LZTS1: variants seen among roughly 807,000 people sequenced by gnomAD.
The protein encoded by LZTS1 is leucine zipper tumor suppressor 1.
Under a neutral mutation model 45.8 loss-of-function variants are expected in LZTS1, and 31 were observed. That is an observed-to-expected ratio of 0.68 (90% CI 0.51 to 0.91). The LOEUF (loss-of-function observed/expected upper bound fraction) is 0.91. Among genes scored for constraint, LZTS1 ranks in the 40% least tolerant of loss-of-function variants. The pLI, the probability that LZTS1 is intolerant of heterozygous loss-of-function variation, is 0.00. For synonymous variants in LZTS1, 359 were observed against 357.3 expected (o/e 1.00, Z -0.05); for missense variants, 821 against 788.9 (o/e 1.04, Z -0.49).
chr8:20,262,109 C>CA (rs1268461369), intron 1 of LZTS1, among the ~76,000 whole-genome samples: 9 of 152,206 alleles, frequency 5.9e-5, no homozygotes, highest in Admixed American at 5.9e-4. Flanking sequence ...CCATTCCCCC[C>CA]CAGAACTTTT....
chr8:20,266,174 C>A (rs1800350385), intron 1 of LZTS1, among the ~76,000 whole-genome samples: 1 of 152,028 alleles, frequency 6.6e-6, no homozygotes, highest in African/African-American at 2.4e-5. Flanking sequence ...AGGTATATGC[C>A]ACCATAACTG....
intron 1 of LZTS1, among the ~76,000 whole-genome samples, chr8:20,266,088 T>G (rs1800348811): frequency 6.6e-6 from 1 of 151,678 alleles, no homozygotes; most frequent in South Asian, 2.1e-4. Context: ...AGTGGTGCAA[T>G]TGTAGCCCAC....
intron 1 of LZTS1, among the ~76,000 whole-genome samples, chr8:20,302,865 A>G (rs543300140): frequency 1.3e-5 from 2 of 152,226 alleles, no homozygotes; most frequent in African/African-American, 4.8e-5. Flanking sequence ...GGCGAGCACA[A>G]GGCTCATTTG....
Position 20,249,837 on chromosome 8 carries a change from C to T in LZTS1, c.1676G>A (p.Arg559His), listed in dbSNP as rs200361803. ...CAGCTGCTGCAGGGCCTTCTCCAGG[C>T]GCTGGTTCCGCTGGTACATGGCCAC... ...SYVAMYQRNQ[R>H]LEKALQQLAR... Residue 559 changes from arginine to histidine, a missense_variant, in exon 4 of 4, where the codon CGC becomes CAC. Physicochemically the swap from Arg to His is conservative, Grantham distance 29 (BLOSUM62 0). Coordinates refer to ENST00000381569, the MANE Select transcript of LZTS1 (RefSeq NM_021020.5). 3.8e-5 allele frequency: 62 copies of T among 1,614,068 alleles called. No homozygotes were observed. The highest frequency in any genetic ancestry group is 1.6e-4 in the East Asian group (7 of 44,882).
intron 1 of LZTS1, among the ~76,000 whole-genome samples, chr8:20,277,264 G>A (rs1190037877): frequency 1.3e-5 from 2 of 152,292 alleles, no homozygotes; most frequent in Middle Eastern, 3.4e-3. Flanking sequence ...AAATGCCCTG[G>A]CAATGTCAGG....
chr8:20,285,436 T>C (rs1800776549), intron 1 of LZTS1, among the ~76,000 whole-genome samples: 1 of 152,198 alleles, frequency 6.6e-6, no homozygotes, highest in Admixed American at 6.5e-5. Context: ...TGAACTTCCA[T>C]ATACTAGCAA....
intron 1 of LZTS1, among the ~76,000 whole-genome samples, chr8:20,268,938 C>G (rs1800420092): frequency 6.6e-6 from 1 of 152,126 alleles, no homozygotes; most frequent in Admixed American, 6.6e-5. Flanking sequence ...TCAAAAGCCA[C>G]TCTGCCGGGC....
chr8:20,292,478 C>T (rs927098288), intron 1 of LZTS1, among the ~76,000 whole-genome samples: 4 of 152,182 alleles, frequency 2.6e-5, no homozygotes, highest in African/African-American at 9.7e-5. Context: ...TTAGCAACTG[C>T]GACCAGCACA....
At chr8:20,284,517 G>T (rs931525652) in intron 1 of LZTS1, among the ~76,000 whole-genome samples, 7 of 152,150 alleles carry the variant, frequency 4.6e-5, no homozygotes, top group Admixed American at 4.6e-4. Flanking sequence ...GAAGGTAAAG[G>T]CATGCACATT....
intron 1 of LZTS1, among the ~76,000 whole-genome samples, chr8:20,294,019 G>A (rs1166340413): frequency 6.6e-6 from 1 of 152,212 alleles, no homozygotes; most frequent in African/African-American, 2.4e-5. Flanking sequence ...GTTCTTGGCA[G>A]TGAGTATTTG....
chr8:20,269,163 G>T (rs995987905), intron 1 of LZTS1, among the ~76,000 whole-genome samples: 3 of 152,196 alleles, frequency 2.0e-5, no homozygotes, highest in Non-Finnish European at 2.9e-5. Context: ...TGCTGCGGCT[G>T]GTCCCACGTG....
intron 1 of LZTS1, among the ~76,000 whole-genome samples, chr8:20,277,117 T>C (rs752875323): frequency 6.6e-6 from 1 of 152,158 alleles, no homozygotes; most frequent in Non-Finnish European, 1.5e-5. Flanking sequence ...CAGGCTGTGG[T>C]AAAGAAGCAG....
intron 1 of LZTS1, among the ~76,000 whole-genome samples, chr8:20,272,647 C>A (rs1471512181): frequency 6.6e-6 from 1 of 152,202 alleles, no homozygotes; most frequent in East Asian, 1.9e-4. Context: ...TCCCTGCAGA[C>A]AACTTCATCT....
rs1473396120 is a variant in LZTS1 at position 20,255,221 on chromosome 8, T to C, written c.-40A>G. On this transcript the variant is annotated 5_prime_UTR_variant, in exon 2 of 4. Coordinates refer to ENST00000381569, the MANE Select transcript of LZTS1 (RefSeq NM_021020.5). ...GAGGATGGGGCAGGGCCGGGCAGGG[T>C]CTTGGAAAGGCTGTGGCAGCAAGGG... 1 of 1,575,494 alleles carries C rather than the reference T, an allele frequency of 6.3e-7. No individual in the cohort carries two copies. Among genetic ancestry groups the C allele is most frequent in the East Asian group, 2.2e-5 (1 of 44,498 alleles).
chr8:20,295,808 G>T (rs1800969323), intron 1 of LZTS1, among the ~76,000 whole-genome samples: 2 of 151,980 alleles, frequency 1.3e-5, no homozygotes, highest in African/African-American at 4.8e-5. Context: ...GTAGCAGGTG[G>T]ACCCCTCTGT....
intron 1 of LZTS1, among the ~76,000 whole-genome samples, chr8:20,301,748 C>T (rs1420530792): frequency 6.6e-6 from 1 of 152,018 alleles, no homozygotes; most frequent in Admixed American, 6.6e-5. Flanking sequence ...CCAGGGCACC[C>T]CACGCAGCAG....
chr8:20,301,220 G>T (rs1018492065), intron 1 of LZTS1, among the ~76,000 whole-genome samples: 3 of 151,528 alleles, frequency 2.0e-5, no homozygotes, highest in African/African-American at 4.9e-5. Flanking sequence ...GTGTTTCTAT[G>T]TTCAAAGGTA....
chr8:20,282,701 G>A (rs1246570566), intron 1 of LZTS1, among the ~76,000 whole-genome samples: 2 of 152,176 alleles, frequency 1.3e-5, no homozygotes, highest in Non-Finnish European at 2.9e-5. Flanking sequence ...TACATTCTAT[G>A]TGCCAGTTGC....
Position 20,249,672 on chromosome 8 carries a change from G to T in LZTS1, c.*50C>A. ...CTGAGCAGGGGGGATGCACGGGAGAGCCCTGCCTCCCAGTGCCAGGTCCCC... is the reference window on the plus strand; with the variant it reads ...CTGAGCAGGGGGGATGCACGGGAGATCCCTGCCTCCCAGTGCCAGGTCCCC... On this transcript the variant is annotated 3_prime_UTR_variant, in exon 4 of 4. Transcript: ENST00000381569. 6.4e-7 allele frequency: 1 copy of T among 1,554,872 alleles called. No individual in the cohort carries two copies. Among genetic ancestry groups the T allele is most frequent in the East Asian group, 2.3e-5 (1 of 44,444 alleles).
Sources: gnomAD v4.1 joint callset for allele counts (sites outside exome capture counted in the v4.1 genomes callset) on GRCh38, gnomAD v4.1.1 for gene constraint, MANE v1.5 for transcripts, NCBI Gene and HGNC (gene_info 2026-07-23, HGNC 2026-07-21) for gene names.